TANC2: variants seen among roughly 807,000 people sequenced by gnomAD.
TANC2 encodes the protein protein TANC2.
Under a neutral mutation model 210.5 loss-of-function variants are expected in TANC2, and 26 were observed. The ratio of observed to expected loss-of-function variants is 0.12; its 90% confidence interval spans 0.09 to 0.17. The LOEUF (loss-of-function observed/expected upper bound fraction) is 0.17, where lower values mean the gene tolerates loss of function less well. Among genes scored for constraint, TANC2 ranks in the 10% least tolerant of loss-of-function variants. The pLI is 1.00. For synonymous variants in TANC2, 931 were observed against 967.1 expected (o/e 0.96, Z 0.69); for missense variants, 2,129 against 2,608.9 (o/e 0.82, Z 4.01).
intron 12 of TANC2, among the ~76,000 whole-genome samples, chr17:63,341,723 C>G (rs1370303185): frequency 6.6e-6 from 1 of 152,210 alleles, no homozygotes; most frequent in Non-Finnish European, 1.5e-5. Flanking sequence ...CTCCAGTCTT[C>G]TAGACTTTAT....
intron 10 of TANC2, among the ~76,000 whole-genome samples, chr17:63,318,412 T>C (rs1234818337): frequency 2.6e-5 from 4 of 152,236 alleles, no homozygotes; most frequent in Admixed American, 1.3e-4. Flanking sequence ...CAGAGTTGTA[T>C]AGCAATCACC....
intron 26 of TANC2, among the ~76,000 whole-genome samples, chr17:63,416,315 C>T (rs953034969): frequency 6.6e-6 from 1 of 152,144 alleles, no homozygotes; most frequent in Non-Finnish European, 1.5e-5. Flanking sequence ...TGCCCTTTAA[C>T]GTGAAGACAC....
intron 14 of TANC2, among the ~76,000 whole-genome samples, chr17:63,366,057 A>AT (rs1329413369): frequency 4.0e-5 from 6 of 151,160 alleles, no homozygotes; most frequent in African/African-American, 7.3e-5. Flanking sequence ...CGCACGGTAA[A>AT]TTTTTTTTTG....
intron 1 of TANC2, among the ~76,000 whole-genome samples, chr17:63,003,382 A>G (rs989808354): frequency 3.9e-5 from 6 of 152,208 alleles, no homozygotes; most frequent in Non-Finnish European, 7.3e-5. Context: ...CACACCCCAC[A>G]GTGGATGCCT....
chr17:63,098,673 G>A (rs1262128677), intron 3 of TANC2, among the ~76,000 whole-genome samples: 1 of 151,696 alleles, frequency 6.6e-6, no homozygotes, highest in Non-Finnish European at 1.5e-5. Flanking sequence ...TAAACAGCAT[G>A]TAATTACTCT....
At chr17:63,137,720 T>C (rs1378889113) in intron 4 of TANC2, among the ~76,000 whole-genome samples, 1 of 152,212 alleles carries the variant, frequency 6.6e-6, no homozygotes, top group African/African-American at 2.4e-5. Context: ...ATTAACCAGC[T>C]ATCATATGCC....
At chr17:63,140,203 C>T (rs1016776609) in intron 4 of TANC2, among the ~76,000 whole-genome samples, 2 of 152,178 alleles carry the variant, frequency 1.3e-5, no homozygotes, top group Non-Finnish European at 2.9e-5. Flanking sequence ...GGAGGATTAG[C>T]TGATACTAGC....
intron 12 of TANC2, 49 bp downstream of exon 12, chr17:63,340,381 G>A: frequency 6.8e-7 from 1 of 1,465,836 alleles, no homozygotes; most frequent in Non-Finnish European, 9.5e-7. Context: ...TAGAGCCCAA[G>A]TTCACCCGGG....
intron 4 of TANC2, among the ~76,000 whole-genome samples, chr17:63,105,424 A>G (rs1169888721): frequency 6.6e-6 from 1 of 151,744 alleles, no homozygotes; most frequent in African/African-American, 2.4e-5. Context: ...TTGACATTGA[A>G]AAGGGCCTAT....
rs1313922560 is a variant in TANC2, at chr17:63,000,642, G to A, written c.-23-8895G>A. 3.3e-5 allele frequency among the ~76,000 whole-genome samples: 5 copies of A among 152,144 alleles called. No homozygotes were observed. The East Asian group carries it at 9.6e-4, about 29-fold the overall frequency. On this transcript the variant is annotated intron_variant, in intron 1 of 27. Coordinates refer to ENST00000689528, the Ensembl canonical transcript of TANC2. The stretch of plus-strand genomic sequence containing the variant: ...AGAAATGATTGGGGGCCTGTCAATG[G>A]CTTGTTATTTTCCTGTCCAGATATT...
intron 13 of TANC2, among the ~76,000 whole-genome samples, chr17:63,352,713 A>C (rs1234932871): frequency 6.6e-6 from 1 of 152,168 alleles, no homozygotes; most frequent in Non-Finnish European, 1.5e-5. Flanking sequence ...TCAACTAAGA[A>C]TTTTTAAAAA....
Position 63,267,028 on chromosome 17 carries a change from A to AT in TANC2, c.1034-714dup, listed in dbSNP as rs1242353194. Among the ~76,000 whole-genome samples the AT allele has an allele frequency of 1.3e-4, 20 of 151,900 alleles. No homozygotes were observed. The East Asian group carries it at 3.3e-3, about 25-fold the overall frequency. ...CCACGCCTGGCTAATTTTTTTGTGC[A>AT]TTTTTTGTGGAGACAGGGTTTTGCC... On this transcript the variant is annotated intron_variant, in intron 8 of 27. Coordinates refer to ENST00000689528, the Ensembl canonical transcript of TANC2.
intron 4 of TANC2, among the ~76,000 whole-genome samples, chr17:63,112,148 T>C (rs1002317156): frequency 4.6e-5 from 7 of 152,186 alleles, no homozygotes; most frequent in Non-Finnish European, 1.0e-4. Context: ...AAGTGTTGAA[T>C]TGACGGTCCA....
intron 2 of TANC2, among the ~76,000 whole-genome samples, chr17:63,040,568 C>G (rs2035147540): frequency 6.6e-6 from 1 of 152,050 alleles, no homozygotes; most frequent in African/African-American, 2.4e-5. Context: ...TAATCCTGTG[C>G]TGATTTGTAA....
At chr17:63,117,406 A>G (rs952391274) in intron 4 of TANC2, among the ~76,000 whole-genome samples, 7 of 152,228 alleles carry the variant, frequency 4.6e-5, no homozygotes, top group African/African-American at 4.8e-5. Flanking sequence ...GCTTATGTCA[A>G]CCAATCTAAT....
At chr17:63,006,527 A>G (rs887123722) in intron 1 of TANC2, among the ~76,000 whole-genome samples, 1 of 152,138 alleles carries the variant, frequency 6.6e-6, no homozygotes, top group African/African-American at 2.4e-5. Flanking sequence ...ACTTATGGGT[A>G]TTTAGAAGTA....
At chr17:63,236,730 C>G (rs1374904844) in intron 7 of TANC2, among the ~76,000 whole-genome samples, 1 of 152,042 alleles carries the variant, frequency 6.6e-6, no homozygotes, top group Non-Finnish European at 1.5e-5. Context: ...TTTTAGCACC[C>G]ACCTGTGAGT....
At chr17:63,088,169 TATTA>T (rs1446585638) in intron 3 of TANC2, 1 of 152,200 alleles carries the variant, frequency 6.6e-6, no homozygotes. Flanking sequence ...TGTTTCCTTG[TATTA>T]ATTCTCTTGT....
chr17:63,120,053 A>G (rs950475172), intron 4 of TANC2, among the ~76,000 whole-genome samples: 1 of 126,198 alleles, frequency 7.9e-6, no homozygotes, highest in Non-Finnish European at 1.7e-5. Flanking sequence ...TCTGTCTCAT[A>G]AAAAAAAAAA....
Sources: allele counts gnomAD v4.1 joint callset (sites outside exome capture counted in the v4.1 genomes callset), GRCh38; gene constraint gnomAD v4.1.1; transcripts MANE v1.5; gene names NCBI Gene and HGNC (gene_info 2026-07-23, HGNC 2026-07-21).